Variants in TPO observed in about 807,000 individuals in gnomAD.
TPO encodes the protein thyroid microsomal antigen.
TPO carries 78 observed loss-of-function variants against 96.9 expected under a neutral mutation model. The observed-to-expected ratio is 0.81, with a 90% CI of 0.67 to 0.97. The LOEUF (loss-of-function observed/expected upper bound fraction) is 0.97, where lower values mean the gene tolerates loss of function less well. Ranked by LOEUF, TPO falls within the 50% of genes least tolerant of loss-of-function variation. The pLI, the probability that TPO is intolerant of heterozygous loss-of-function variation, is 0.00. For synonymous variants in TPO, 547 were observed against 538.0 expected, an observed-to-expected ratio of 1.02 and a Z score of -0.23; for missense variants, 1,252 against 1,274.8, an observed-to-expected ratio of 0.98 and a Z score of 0.27.
rs777027646 is a variant in TPO, at chr2:1,496,672, G to A, written c.2293G>A (p.Val765Met). ...TGAGGAGTCTGGGAGGCGCGTGCTG[G>A]TGTATTCCTGCCGGCACGGGTATGA... The part of the protein sequence containing the change: ...HCEESGRRVL[V>M]YSCRHGYELQ... The change falls in exon 13 of 17, where the codon GTG becomes ATG. Residue 765 changes from valine to methionine, a missense_variant. Val to Met is a conservative substitution (Grantham distance 21). Coordinates refer to ENST00000329066, the MANE Select transcript of TPO (RefSeq NM_001206744.2). The A allele has an allele frequency of 1.2e-6, 2 of 1,614,086 alleles. No homozygotes were observed. The highest frequency in any genetic ancestry group is 1.7e-6 in the Non-Finnish European group (2 of 1,180,034).
chr2:1,383,159 T>C (rs984395822), intron 1 of TPO, among the ~76,000 whole-genome samples: 5 of 152,168 alleles, frequency 3.3e-5, no homozygotes, highest in Non-Finnish European at 4.4e-5. Flanking sequence ...AAGTCTTTGC[T>C]ATTGTGAGTA....
At chr2:1,531,204 CTGCAACCACCCCAAATCGCCCCCACTGTG>C (rs1245126854) in intron 15 of TPO, among the ~76,000 whole-genome samples, 5 of 83,374 alleles carry the variant, frequency 6.0e-5, no homozygotes, top group African/African-American at 1.5e-4. Context: ...CCCACACTGT[CTGCAACCACCCCAAATCGCCCCCACTGTG>C]TGCAACCGCC....
intron 7 of TPO, among the ~76,000 whole-genome samples, chr2:1,464,806 G>A (rs7564759): frequency 0.024 from 3,643 of 152,228 alleles, 141 homozygotes; most frequent in African/African-American, 0.083. Context: ...TTAATCCTTT[G>A]TCAGATGTGT....
chr2:1,542,826 C>T lies in TPO; in HGVS notation c.*352C>T, dbSNP rs990637942. 14 of 448,100 alleles carry T rather than the reference C, an allele frequency of 3.1e-5. No homozygotes were observed. The highest frequency in any genetic ancestry group is 5.3e-5 in the East Asian group (1 of 18,942). 27.8% of individuals were successfully genotyped at this position (448,100 alleles called of 1,614,324 possible). On this transcript the variant is annotated 3_prime_UTR_variant, in exon 17 of 17. Coordinates refer to ENST00000329066, the MANE Select transcript of TPO (RefSeq NM_001206744.2). ...TGCCGTGCTCGTCTGCACTCTGCCC[C>T]GGCGGTCCCTCCAGCACTGGTTTTT...
chr2:1,389,944 C>T (rs1218904998), intron 1 of TPO, among the ~76,000 whole-genome samples: 1 of 151,982 alleles, frequency 6.6e-6, no homozygotes. Flanking sequence ...ACCTTTTCTT[C>T]CCAGGGACCA....
intron 1 of TPO, among the ~76,000 whole-genome samples, chr2:1,394,440 C>T (rs1200753363): frequency 6.6e-6 from 1 of 152,192 alleles, no homozygotes; most frequent in Non-Finnish European, 1.5e-5. Context: ...CCAGCCACCA[C>T]AGGATGGGGA....
At chr2:1,455,022 C>T (rs1264630755) in intron 6 of TPO, among the ~76,000 whole-genome samples, 1 of 152,176 alleles carries the variant, frequency 6.6e-6, no homozygotes, top group Non-Finnish European at 1.5e-5. Context: ...GGGGAGATCC[C>T]TTTCCTGGCA....
chr2:1,411,526 T>G (rs1162311216), upstream of TPO, among the ~76,000 whole-genome samples: 1 of 152,266 alleles, frequency 6.6e-6, no homozygotes, highest in Non-Finnish European at 1.5e-5. Flanking sequence ...TGCCCCACGC[T>G]GTCTCATTTT....
chr2:1,487,819 AGGT>A lies in TPO; in HGVS notation c.1600_1602del (p.Gly534del). ...CCTTGCCTTGTGCATGGTATTTTCC[AGGT>A]GGTTTGGACCCACTAATACGAGGCC... On this transcript the variant is annotated splice_acceptor_variant and coding_sequence_variant, in exon 10 of 17. Transcript: ENST00000329066. LOFTEE classifies it high-confidence loss of function. 6.2e-7 allele frequency: 1 copy of A among 1,614,184 alleles called. No individual in the cohort carries two copies. The highest frequency in any genetic ancestry group is 1.6e-4 in the Middle Eastern group (1 of 6,062).
upstream of TPO, among the ~76,000 whole-genome samples, chr2:1,410,029 G>A (rs924009198): frequency 6.6e-6 from 1 of 152,078 alleles, no homozygotes; most frequent in Admixed American, 6.5e-5. Context: ...GGTCAAAAGT[G>A]AGGGTTTCAG....
chr2:1,443,007 C>A (rs1016530141), intron 5 of TPO, among the ~76,000 whole-genome samples: 1 of 152,122 alleles, frequency 6.6e-6, no homozygotes, highest in East Asian at 1.9e-4. Flanking sequence ...AGGCTGAGGT[C>A]GGGGGATCGC....
chr2:1,412,756 A>G (rs2071399), upstream of TPO, among the ~76,000 whole-genome samples: 85,846 of 151,990 alleles, frequency 0.56, 24,602 homozygotes, highest in Admixed American at 0.66. Flanking sequence ...TCTCAGGAGC[A>G]GGTCATTGAA....
chr2:1,413,840 A>T, intron 1 of TPO: 3 of 627,302 alleles, frequency 4.8e-6, no homozygotes, highest in Non-Finnish European at 4.0e-6. Context: ...TAGCCACAGA[A>T]AGCCTAAGAG....
At chr2:1,411,783 C>T, upstream of TPO, among the ~76,000 whole-genome samples, 1 of 152,298 alleles carries the variant, frequency 6.6e-6, no homozygotes. Flanking sequence ...CCCCCTTTCT[C>T]CCCTCAGACT....
intron 1 of TPO, among the ~76,000 whole-genome samples, chr2:1,380,026 A>G (rs1168674635): frequency 6.6e-6 from 1 of 152,192 alleles, no homozygotes. Context: ...ATGTGACTTT[A>G]AAAAAGATTA....
chr2:1,410,753 ATG>A (rs1346484456), upstream of TPO, among the ~76,000 whole-genome samples: 1 of 151,928 alleles, frequency 6.6e-6, no homozygotes, highest in African/African-American at 2.4e-5. Flanking sequence ...CCATCCTGCC[ATG>A]TGTGAGTTGG....
At chr2:1,440,118 A>G (rs113829530) in intron 5 of TPO, among the ~76,000 whole-genome samples, 1 of 150,070 alleles carries the variant, frequency 6.7e-6, no homozygotes, top group African/African-American at 2.5e-5. Context: ...TGCGTTTCCA[A>G]TGTGCTACAT....
Position 1,541,362 on chromosome 2 carries a change from G to GTT in TPO, c.2748+651_2748+652dup, listed in dbSNP as rs78541132. ...TGTTTCAAAATTGCTAAAACAATAG[G>GTT]TTTTTTTTTTTTTGAGATAGAGTCT... On this transcript the variant is annotated intron_variant, in intron 16 of 16. Coordinates refer to ENST00000329066, the MANE Select transcript of TPO (RefSeq NM_001206744.2). The GTT allele has an allele frequency of 5.4e-3, 1,091 of 201,330 alleles. 2 individuals carry two copies. The highest frequency in any genetic ancestry group is 0.014 in the Middle Eastern group (5 of 368). 12.5% of individuals were successfully genotyped at this position (201,330 alleles called of 1,614,324 possible).
At chr2:1,472,596 C>T (rs1020409899) in intron 7 of TPO, among the ~76,000 whole-genome samples, 8 of 151,998 alleles carry the variant, frequency 5.3e-5, no homozygotes, top group African/African-American at 7.3e-5. Flanking sequence ...TTCCACACTC[C>T]GGGTCACAGC....
Sources: gnomAD v4.1 joint callset for allele counts (sites outside exome capture counted in the v4.1 genomes callset) on GRCh38, gnomAD v4.1.1 for gene constraint, MANE v1.5 for transcripts, NCBI Gene and HGNC (gene_info 2026-07-23, HGNC 2026-07-21) for gene names.